FHIT: variants seen among roughly 807,000 people sequenced by gnomAD.
FHIT encodes fragile histidine triad diadenosine triphosphatase, also known as bis(5'-adenosyl)-triphosphatase.
FHIT carries 19 observed loss-of-function variants against 17.9 expected under a neutral mutation model. The observed-to-expected ratio is 1.06, with a 90% confidence interval of 0.74 to 1.56. The LOEUF (loss-of-function observed/expected upper bound fraction) is 1.56. Ranked by LOEUF, FHIT falls within the 40% of genes most tolerant of loss-of-function variation. The pLI, the probability that FHIT is intolerant of heterozygous loss-of-function variation, is 0.00. For synonymous variants in FHIT, 81 were observed against 69.7 expected (o/e 1.16, Z -0.81); for missense variants, 248 against 189.2 (o/e 1.31, Z -1.82).
chr3:60,584,626 A>G (rs2037850393), intron 4 of FHIT, among the ~76,000 whole-genome samples: 1 of 152,048 alleles, frequency 6.6e-6, no homozygotes, highest in African/African-American at 2.4e-5. Flanking sequence ...GAAATTTATC[A>G]GAATCTTTTA....
At chr3:60,928,821 T>G (rs763153694) in intron 3 of FHIT, among the ~76,000 whole-genome samples, 64 of 152,290 alleles carry the variant, frequency 4.2e-4, no homozygotes, top group Non-Finnish European at 6.3e-4. Context: ...TCTGAAACTA[T>G]TCCAATCAAT....
chr3:60,892,451 A>G (rs1705567206), intron 3 of FHIT, among the ~76,000 whole-genome samples: 2 of 151,886 alleles, frequency 1.3e-5, no homozygotes, highest in Non-Finnish European at 2.9e-5. Flanking sequence ...TTGGAGCTTT[A>G]CCTCTGGGTA....
At chr3:60,753,730 A>C (rs2042515025) in intron 4 of FHIT, among the ~76,000 whole-genome samples, 1 of 152,230 alleles carries the variant, frequency 6.6e-6, no homozygotes, top group Non-Finnish European at 1.5e-5. Context: ...AAACAAAAGA[A>C]GAAAGTAAAA....
chr3:60,186,549 T>C (rs1386844174), intron 5 of FHIT, among the ~76,000 whole-genome samples: 1 of 152,190 alleles, frequency 6.6e-6, no homozygotes, highest in African/African-American at 2.4e-5. Flanking sequence ...TCATCACTAC[T>C]GTGTATGTAG....
At chr3:60,795,757 C>G (rs1700959652) in intron 4 of FHIT, among the ~76,000 whole-genome samples, 1 of 152,186 alleles carries the variant, frequency 6.6e-6, no homozygotes, top group African/African-American at 2.4e-5. Context: ...TCAAGCCATC[C>G]AGCTGCCTCG....
intron 5 of FHIT, among the ~76,000 whole-genome samples, chr3:60,146,934 T>C (rs1053755748): frequency 1.3e-5 from 2 of 152,186 alleles, no homozygotes; most frequent in African/African-American, 2.4e-5. Context: ...CAAATAGATA[T>C]AAAATGTGAA....
chr3:60,820,617 C>T (rs2106763683), intron 4 of FHIT, among the ~76,000 whole-genome samples: 1 of 152,244 alleles, frequency 6.6e-6, no homozygotes, highest in South Asian at 2.1e-4. Context: ...TTGCATAAAC[C>T]GTGGGTTTCA....
At chr3:59,789,086 A>G (rs1406743474) in intron 8 of FHIT, among the ~76,000 whole-genome samples, 3 of 152,172 alleles carry the variant, frequency 2.0e-5, no homozygotes, top group Non-Finnish European at 4.4e-5. Flanking sequence ...AATTAAAAAT[A>G]TAACAGCTCT....
rs113558925 is a variant in FHIT, at chr3:60,125,646, ATGTG to A, written c.104-111498_104-111495del. Among the ~76,000 whole-genome samples, 628 of 148,072 alleles carry A rather than the reference ATGTG, an allele frequency of 4.2e-3. 3 individuals carry two copies. The highest frequency in any genetic ancestry group is 0.014 in the African/African-American group (575 of 39,870). ...AAAAAAAAAAAGTGTATATATACAT[ATGTG>A]TGTATGTGTTTGTGTATATATATGT... On this transcript the variant is annotated intron_variant, in intron 5 of 9. Coordinates refer to ENST00000492590, the MANE Select transcript of FHIT (RefSeq NM_002012.4).
chr3:59,867,085 C>T (rs1486724531), intron 8 of FHIT, among the ~76,000 whole-genome samples: 1 of 149,622 alleles, frequency 6.7e-6, no homozygotes, highest in South Asian at 2.1e-4. Flanking sequence ...ATAAAAGTAG[C>T]CTCTAATTAG....
intron 5 of FHIT, among the ~76,000 whole-genome samples, chr3:60,065,503 G>T (rs549065342): frequency 5.9e-5 from 9 of 152,246 alleles, no homozygotes; most frequent in African/African-American, 2.2e-4. Context: ...AGATCATAAA[G>T]CTCTTAATCA....
chr3:60,967,032 G>T (rs990316479), intron 3 of FHIT, among the ~76,000 whole-genome samples: 1 of 152,068 alleles, frequency 6.6e-6, no homozygotes, highest in African/African-American at 2.4e-5. Flanking sequence ...ATGCCTCATG[G>T]AATAGAGAAA....
intron 5 of FHIT, among the ~76,000 whole-genome samples, chr3:60,357,949 T>C (rs1208622138): frequency 6.6e-6 from 1 of 152,182 alleles, no homozygotes; most frequent in African/African-American, 2.4e-5. Context: ...AATTGTATTA[T>C]GTACAGCAGC....
intron 5 of FHIT, among the ~76,000 whole-genome samples, chr3:60,430,105 T>C (rs1232474543): frequency 6.6e-6 from 1 of 151,642 alleles, no homozygotes; most frequent in African/African-American, 2.4e-5. Flanking sequence ...AAATGAGACA[T>C]ATGGGGCAGA....
At chr3:60,507,052 T>A (rs2034761556) in intron 5 of FHIT, among the ~76,000 whole-genome samples, 1 of 152,122 alleles carries the variant, frequency 6.6e-6, no homozygotes, top group Non-Finnish European at 1.5e-5. Context: ...AATTGCACCA[T>A]CATTCTAGCA....
At chr3:61,125,277 A>T (rs2036575773) in intron 2 of FHIT, among the ~76,000 whole-genome samples, 1 of 152,216 alleles carries the variant, frequency 6.6e-6, no homozygotes, top group Non-Finnish European at 1.5e-5. Context: ...TACCTATTGA[A>T]TCAAAATATT....
chr3:59,980,202 A>G (rs915128144), intron 7 of FHIT, among the ~76,000 whole-genome samples: 4 of 152,150 alleles, frequency 2.6e-5, no homozygotes, highest in Admixed American at 1.3e-4. Context: ...GCTCTTCATG[A>G]TCATCACAAA....
At chr3:60,552,460 C>G (rs1287316988) in intron 4 of FHIT, among the ~76,000 whole-genome samples, 2 of 152,138 alleles carry the variant, frequency 1.3e-5, no homozygotes, top group Non-Finnish European at 2.9e-5. Context: ...AAGAGGGTTC[C>G]AAGTCCTCCA....
intron 4 of FHIT, among the ~76,000 whole-genome samples, chr3:60,810,308 C>T (rs1331190330): frequency 4.6e-5 from 7 of 152,172 alleles, no homozygotes; most frequent in Non-Finnish European, 1.0e-4. Context: ...TTAGTCAAAA[C>T]TGTAAAACAG....
Sources: allele counts gnomAD v4.1 joint callset (sites outside exome capture counted in the v4.1 genomes callset), GRCh38; gene constraint gnomAD v4.1.1; transcripts MANE v1.5; gene names NCBI Gene and HGNC (gene_info 2026-07-23, HGNC 2026-07-21).